Variants in RSPH14 observed in about 807,000 individuals in gnomAD.
RSPH14 encodes rhabdoid tumor deletion region gene 1.
RSPH14 carries 20 observed loss-of-function variants against 26.7 expected under a neutral mutation model. That is an observed-to-expected ratio of 0.75 (90% CI 0.53 to 1.09). The LOEUF is 1.09. RSPH14 is among the 50% of genes least tolerant of loss of function. The probability of loss-of-function intolerance (pLI) is 0.00; values close to 1 mark genes in which losing one functional copy is unlikely to be tolerated. For synonymous variants in RSPH14, 177 were observed against 189.3 expected (o/e 0.93, Z 0.53); for missense variants, 449 against 457.2 (o/e 0.98, Z 0.16).
rs182377323 is a variant in RSPH14, at chr22:23,071,837, G to C, written c.422-7704C>G. On this transcript the variant is annotated intron_variant, in intron 4 of 6. Transcript: ENST00000216036. This position sits in a 1 kb window ranked among gnomAD's most constrained non-coding sequence, Gnocchi z 4.1. ...CTAAGCTGGGCATTGTGGGCAGAGA[G>C]GAGAGAATAGACCGAGGCACTTGGG... Among the ~76,000 whole-genome samples the C allele has an allele frequency of 1.7e-3, 253 of 152,310 alleles. No individual in the cohort carries two copies. The highest frequency in any genetic ancestry group is 5.7e-3 in the African/African-American group (235 of 41,558).
the RSPH14 span, among the ~76,000 whole-genome samples, chr22:23,169,737 C>T: frequency 6.6e-6 from 1 of 152,178 alleles, no homozygotes; most frequent in African/African-American, 2.4e-5. Flanking sequence ...TGGATAGGAC[C>T]CCTGAAGACT....
At chr22:23,153,976 A>T in the RSPH14 span, among the ~76,000 whole-genome samples, 1 of 151,984 alleles carries the variant, frequency 6.6e-6, no homozygotes, top group Non-Finnish European at 1.5e-5. Context: ...GGTGTGAGCC[A>T]CCGTACCCGG....
chr22:23,091,779 C>T (rs950013241), intron 4 of RSPH14, among the ~76,000 whole-genome samples: 1 of 152,214 alleles, frequency 6.6e-6, no homozygotes, highest in East Asian at 1.9e-4. Flanking sequence ...CTTTCAGTGG[C>T]GTCCTGTTTC....
intron 4 of RSPH14, chr22:23,096,167 A>G (rs1207921295): frequency 1.2e-6 from 2 of 1,613,216 alleles, no homozygotes; most frequent in East Asian, 4.5e-5. Flanking sequence ...CTACTACCTG[A>G]ACGACCTGGA....
At chr22:23,081,469 T>C (rs776835607) in intron 4 of RSPH14, among the ~76,000 whole-genome samples, 1 of 152,192 alleles carries the variant, frequency 6.6e-6, no homozygotes, top group South Asian at 2.1e-4. Context: ...TCAGGTTTGA[T>C]TGCAACTTTT....
In RSPH14 at chr22:23,059,694, T is replaced by C; in HGVS notation, c.815A>G (p.Gln272Arg). ...TEGKYAALEAQAIGLLLELLH... is the reference protein window; with the variant it reads ...TEGKYAALEARAIGLLLELLH... ...CAGCTCCAGGAGCAGGCCGATGGCT[T>C]GTGCCTCCAGGGCCGCATACTTCCC... The change falls in exon 7 of 7, where the codon CAA becomes CGA. Residue 272 changes from glutamine (Q) to arginine (R), a missense_variant. Gln to Arg is a conservative substitution (Grantham distance 43). Coordinates refer to ENST00000216036, the MANE Select transcript of RSPH14 (RefSeq NM_014433.3). The C allele has an allele frequency of 1.9e-6, 3 of 1,554,904 alleles. No homozygotes were observed. In the Admixed American group the frequency reaches 5.8e-5, roughly 30 times the overall value.
At chr22:23,068,236 G>T (rs1052228612) in intron 4 of RSPH14, among the ~76,000 whole-genome samples, 1 of 152,128 alleles carries the variant, frequency 6.6e-6, no homozygotes, top group Non-Finnish European at 1.5e-5. Flanking sequence ...CCACCTCCAC[G>T]CCTGCTATGG....
the RSPH14 span, chr22:23,180,008 C>T: frequency 2.8e-6 from 1 of 352,630 alleles, no homozygotes; most frequent in East Asian, 6.5e-5. Flanking sequence ...GACACGACGA[C>T]TGGGCAGTGC....
chr22:23,150,030 G>C, the RSPH14 span: 27 of 1,534,358 alleles, frequency 1.8e-5, no homozygotes, highest in Non-Finnish European at 2.3e-5. Flanking sequence ...CAGCTTTGCA[G>C]GATGATGTGT....
chr22:23,089,219 C>T (rs376739104), intron 4 of RSPH14, among the ~76,000 whole-genome samples: 64 of 152,294 alleles, frequency 4.2e-4, no homozygotes, highest in Middle Eastern at 3.4e-3. Flanking sequence ...CTGGCTTAGC[C>T]GGCTTGGGCA....
At chr22:23,062,047 GGC>G in intron 5 of RSPH14, 102 bp from the exon 6 acceptor site, 3 of 1,393,994 alleles carry the variant, frequency 2.2e-6, no homozygotes, top group South Asian at 1.3e-5. Context: ...ATTGTGTGGG[GGC>G]TACCCCAGGT....
chr22:23,081,655 C>G (rs1236917702), intron 4 of RSPH14, among the ~76,000 whole-genome samples: 1 of 151,748 alleles, frequency 6.6e-6, no homozygotes, highest in Non-Finnish European at 1.5e-5. Flanking sequence ...AACCCTGTCT[C>G]TACTAAAAAT....
rs1601866712 is a variant in RSPH14 at position 23,138,948 on chromosome 22, A to G, written c.200-6T>C. On this transcript the variant is annotated splice_region_variant and splice_polypyrimidine_tract_variant and intron_variant, in intron 2 of 6. Coordinates refer to ENST00000216036, the MANE Select transcript of RSPH14 (RefSeq NM_014433.3). ...TTTCAGGTTCTCCATACAGCCTAGA[A>G]AAAAAAAAAAAAACAAACAAACCAA... 5 of 566,840 alleles carry G rather than the reference A, an allele frequency of 8.8e-6. No individual in the cohort carries two copies. The highest frequency in any genetic ancestry group is 2.8e-5 in the South Asian group (1 of 35,280). The allele number at this position is 566,840 out of a possible 1,614,324, so 35.1% of individuals were successfully genotyped here.
At chr22:23,169,428 G>A in the RSPH14 span, among the ~76,000 whole-genome samples, 7 of 152,326 alleles carry the variant, frequency 4.6e-5, no homozygotes, top group South Asian at 8.3e-4. Context: ...GTGGGGACAG[G>A]GGTGGAGACA....
chr22:23,119,976 C>T (rs918489888), intron 4 of RSPH14, among the ~76,000 whole-genome samples: 4 of 152,276 alleles, frequency 2.6e-5, no homozygotes, highest in East Asian at 1.9e-4. Flanking sequence ...GAAATGCCTG[C>T]AAAGCAAGGG....
the RSPH14 span, chr22:23,180,194 G>C: frequency 4.4e-6 from 1 of 226,564 alleles, no homozygotes; most frequent in Non-Finnish European, 8.8e-6. Flanking sequence ...GGCCGGAGGG[G>C]AGCCAAGTGT....
At chr22:23,072,460 A>C (rs998963723) in intron 4 of RSPH14, among the ~76,000 whole-genome samples, 4 of 152,228 alleles carry the variant, frequency 2.6e-5, no homozygotes, top group Non-Finnish European at 4.4e-5. Flanking sequence ...TGAATAAGAC[A>C]TAATTTCTCC....
chr22:23,127,316 AGG>A (rs1257640466), intron 4 of RSPH14, among the ~76,000 whole-genome samples: 1 of 151,300 alleles, frequency 6.6e-6, no homozygotes, highest in African/African-American at 2.5e-5. Context: ...GGGAACCAAG[AGG>A]CCAGAGTGTC....
chr22:23,080,374 G>T (rs191101649), intron 4 of RSPH14, among the ~76,000 whole-genome samples: 34 of 151,272 alleles, frequency 2.2e-4, no homozygotes, highest in Non-Finnish European at 4.0e-4. Flanking sequence ...TCATCTCCCC[G>T]GTCATCTCAT....
Sources: allele counts gnomAD v4.1 joint callset (sites outside exome capture counted in the v4.1 genomes callset), GRCh38; gene constraint gnomAD v4.1.1; non-coding constraint Gnocchi (gnomAD v3.1); transcripts MANE v1.5; gene names NCBI Gene and HGNC (gene_info 2026-07-23, HGNC 2026-07-21).